ST18: variants seen among roughly 807,000 people sequenced by gnomAD.
ST18 encodes suppression of tumorigenicity 18 protein.
In ST18, 50 loss-of-function variants were observed where a neutral mutation model predicts 110.0. The ratio of observed to expected loss-of-function variants is 0.45; its 90% confidence interval spans 0.36 to 0.58. ST18 has a LOEUF of 0.58. Ranked by LOEUF, ST18 falls within the 20% of genes least tolerant of loss-of-function variation. ST18 has a pLI of 0.00. For missense variants in ST18, 1,306 were observed against 1,280.1 expected (o/e 1.02, Z -0.31); for synonymous variants, 461 against 452.4 (o/e 1.02, Z -0.24).
chr8:52,227,671 C>T (rs1003864311), intron 3 of ST18, among the ~76,000 whole-genome samples: 71 of 152,268 alleles, frequency 4.7e-4, no homozygotes, highest in African/African-American at 1.6e-3. Flanking sequence ...TTCATTTGTA[C>T]GTTTCAAAGG....
chr8:52,113,429 G>T, intron 25 of ST18, 91 bp from the exon 26 acceptor site: 1 of 1,507,214 alleles, frequency 6.6e-7, no homozygotes, highest in African/African-American at 1.4e-5. Context: ...AGTGATCCGG[G>T]AGTCGGGAGG....
chr8:52,315,475 G>C (rs541055420), intron 2 of ST18, among the ~76,000 whole-genome samples: 2 of 152,130 alleles, frequency 1.3e-5, no homozygotes, highest in African/African-American at 4.8e-5. Flanking sequence ...ATTGAAAATT[G>C]TAGCCCCACT....
At position 52,275,725 on chromosome 8, in the gene ST18, T is replaced by C. The variant is rs117770012; in HGVS notation, c.-464-45648A>G. 9.9e-3 allele frequency among the ~76,000 whole-genome samples: 1,509 copies of C among 152,230 alleles called. 15 individuals are homozygous for C. Among genetic ancestry groups the C allele is most frequent in the Non-Finnish European group, 0.016 (1,121 of 68,012 alleles). ...ACCATTTTGTGAAGCCGATAAAACC[T>C]GCGAGCCCTGTTCATGAGTAAATCT... On this transcript the variant is annotated intron_variant, in intron 2 of 25. Transcript: ENST00000689386.
rs1844926791 is a variant in ST18, at chr8:52,407,486, T to C, written c.-465+1842A>G. 5 of 152,166 alleles carry C rather than the reference T, an allele frequency of 3.3e-5. No individual in the cohort carries two copies. In the South Asian group the frequency reaches 1.0e-3, roughly 32 times the overall value. The allele number at this position is 152,166 out of a possible 1,614,324, so 9.4% of individuals were successfully genotyped here. A position where few individuals can be genotyped will look rare whatever the true frequency, so the allele number is the denominator to read the frequency against. On this transcript the variant is annotated intron_variant, in intron 2 of 25. Coordinates refer to ENST00000689386, the MANE Select transcript of ST18 (RefSeq NM_001352837.2). ...AAAAAAATCACCCCAAAAAGCTGCATAATGAATATTTGTGCACATGACTAA... is the reference window on the plus strand; with the variant it reads ...AAAAAAATCACCCCAAAAAGCTGCACAATGAATATTTGTGCACATGACTAA...
chr8:52,278,589 C>T (rs1351342036), intron 2 of ST18, among the ~76,000 whole-genome samples: 1 of 152,096 alleles, frequency 6.6e-6, no homozygotes, highest in Non-Finnish European at 1.5e-5. Flanking sequence ...TTGGGAAGCC[C>T]AGACCCTTGG....
Position 52,232,515 on chromosome 8 carries a change from GACTT to G in ST18, c.-464-2442_-464-2439del, listed in dbSNP as rs2091700976. On this transcript the variant is annotated intron_variant, in intron 2 of 25. Coordinates refer to ENST00000689386, the MANE Select transcript of ST18 (RefSeq NM_001352837.2). ...ATTTTTATCAGCCCTAGTAAATTCTGACTTACTTTCCAAATGGTGCAACGTGTTT... is the reference window on the plus strand; with the variant it reads ...ATTTTTATCAGCCCTAGTAAATTCTGACTTTCCAAATGGTGCAACGTGTTT... 2.6e-5 allele frequency among the ~76,000 whole-genome samples: 4 copies of G among 152,182 alleles called. No individual in the cohort carries two copies. In the South Asian group the frequency reaches 8.3e-4, roughly 32 times the overall value.
intron 22 of ST18, among the ~76,000 whole-genome samples, chr8:52,127,975 A>AT (rs11393476): frequency 0.23 from 33,849 of 147,712 alleles, 4,804 homozygotes; most frequent in African/African-American, 0.41. Flanking sequence ...ATATTAAGGG[A>AT]TTTTTTTTTT....
At chr8:52,249,975 A>C (rs2094159251) in intron 2 of ST18, among the ~76,000 whole-genome samples, 1 of 149,442 alleles carries the variant, frequency 6.7e-6, no homozygotes, top group African/African-American at 2.5e-5. Context: ...CCCCGACCCC[A>C]GCCCTACCCC....
chr8:52,175,707 G>A (rs1265595579), intron 9 of ST18, among the ~76,000 whole-genome samples: 1 of 152,144 alleles, frequency 6.6e-6, no homozygotes, highest in East Asian at 1.9e-4. Flanking sequence ...CACAAGAAAG[G>A]CATTTTCTAC....
chr8:52,222,884 C>A (rs760122194), intron 3 of ST18, among the ~76,000 whole-genome samples: 2 of 152,210 alleles, frequency 1.3e-5, no homozygotes, highest in Non-Finnish European at 2.9e-5. Context: ...GAATCTTGAT[C>A]AAGCTCCCAG....
At chr8:52,196,415 GTT>G (rs949160903) in intron 8 of ST18, among the ~76,000 whole-genome samples, 5 of 152,326 alleles carry the variant, frequency 3.3e-5, no homozygotes, top group Admixed American at 3.3e-4. Flanking sequence ...CACATCCTCT[GTT>G]TTTATTTGGC....
intron 12 of ST18, 123 bp downstream of exon 12, chr8:52,165,012 G>A: frequency 1.2e-6 from 1 of 811,050 alleles, no homozygotes; most frequent in South Asian, 1.7e-5. Flanking sequence ...TCTATTTCAA[G>A]TGTCACATAT....
intron 10 of ST18, among the ~76,000 whole-genome samples, chr8:52,168,057 C>T (rs1364434352): frequency 2.0e-5 from 3 of 151,812 alleles, no homozygotes; most frequent in African/African-American, 4.8e-5. Context: ...AACAAAGATG[C>T]ACTCTTAAAG....
intron 2 of ST18, among the ~76,000 whole-genome samples, chr8:52,312,547 T>C (rs2095938287): frequency 6.6e-6 from 1 of 152,196 alleles, no homozygotes; most frequent in Admixed American, 6.5e-5. Context: ...AGGATCCAGC[T>C]GAAACCAGAT....
At chr8:52,116,470 A>T in intron 24 of ST18, 52 bp from the exon 25 acceptor site, 3 of 1,562,908 alleles carry the variant, frequency 1.9e-6, no homozygotes, top group Non-Finnish European at 2.6e-6. Flanking sequence ...GAAGGAGTGT[A>T]AAAGGTTTCT....
At chr8:52,334,909 A>AGG (rs1038374491) in intron 2 of ST18, among the ~76,000 whole-genome samples, 3 of 151,902 alleles carry the variant, frequency 2.0e-5, no homozygotes, top group Non-Finnish European at 2.9e-5. Flanking sequence ...TGCTCCACCC[A>AGG]CCTTCTGTCA....
chr8:52,205,796 A>G (rs1415442068), intron 8 of ST18, among the ~76,000 whole-genome samples: 1 of 151,964 alleles, frequency 6.6e-6, no homozygotes, highest in African/African-American at 2.4e-5. Context: ...TCAAACTCCT[A>G]ACCTCAAGCG....
At chr8:52,251,659 T>C (rs184104514) in intron 2 of ST18, among the ~76,000 whole-genome samples, 122 of 152,226 alleles carry the variant, frequency 8.0e-4, no homozygotes, top group African/African-American at 2.8e-3. Context: ...TTTCAGTTTG[T>C]GTTTTCACCT....
rs202222377 is a variant in ST18 at position 52,132,178 on chromosome 8, A to G, written c.2446T>C (p.Cys816Arg). Reference protein sequence around the residue: ...KEEKEDPELKCPVIGCDGQGH... With the variant: ...KEEKEDPELKRPVIGCDGQGH... ...TGGCCATCACACCCTATCACAGGAC[A>G]TCTAGAGAGAAAGCAGAGACATTAC... Residue 816 changes from cysteine (C) to arginine (R), a missense_variant and splice_region_variant, in exon 22 of 26, where the codon TGT (cysteine) becomes CGT (arginine). Cys to Arg is a radical substitution (Grantham distance 180). Transcript: ENST00000689386. 30 of 1,608,706 alleles carry G rather than the reference A, an allele frequency of 1.9e-5. No individual in the cohort carries two copies. The Admixed American group carries it at 4.5e-4, about 24-fold the overall frequency.
Sources: gnomAD v4.1 joint callset for allele counts (sites outside exome capture counted in the v4.1 genomes callset) on GRCh38, gnomAD v4.1.1 for gene constraint, MANE v1.5 for transcripts, NCBI Gene and HGNC (gene_info 2026-07-23, HGNC 2026-07-21) for gene names.